The following COL4A5 variants were observed in gnomAD, a reference collection of about 807,000 sequenced individuals.
COL4A5 encodes collagen type IV alpha 5 chain.
Under a neutral mutation model 130.2 loss-of-function variants are expected in COL4A5, and 26 were observed. The ratio of observed to expected loss-of-function variants is 0.20; its 90% confidence interval spans 0.15 to 0.28. The LOEUF (loss-of-function observed/expected upper bound fraction) is 0.28. COL4A5 is among the 10% of genes least tolerant of loss of function. The pLI, the probability that COL4A5 is intolerant of heterozygous loss-of-function variation, is 1.00. For missense variants in COL4A5, 1,131 were observed against 1,344.3 expected (o/e 0.84, Z 2.48); for synonymous variants, 496 against 439.6 (o/e 1.13, Z -1.60).
intron 2 of COL4A5, among the ~76,000 whole-genome samples, chrX:108,547,924 T>C (rs970702080): frequency 1.8e-5 from 2 of 111,866 alleles, no homozygotes; most frequent in Non-Finnish European, 3.8e-5. Context: ...CGGGATATAA[T>C]CTCCTGGTGT....
intron 4 of COL4A5, among the ~76,000 whole-genome samples, chrX:108,566,925 A>G (rs958620548): frequency 2.2e-4 from 25 of 111,861 alleles, no homozygotes; most frequent in African/African-American, 8.1e-4. Flanking sequence ...TCCAATTGCA[A>G]TTTAAAATTA....
In COL4A5 at chrX:108,586,275, A is replaced by G. The variant is rs138011390; in HGVS notation, c.1033-340A>G. On this transcript the variant is annotated intron_variant, in intron 18 of 52. Coordinates refer to ENST00000328300, the MANE Select transcript of COL4A5 (RefSeq NM_033380.3). The stretch of plus-strand genomic sequence containing the variant: ...ATTACTCTAAGTGTGAGTTGATAAT[A>G]TAGCTGTGGCAGCAGAAATCAAGGG... Among the ~76,000 whole-genome samples, 112 of 112,056 alleles carry G rather than the reference A, an allele frequency of 1.0e-3. 4 individuals carry two copies. In the East Asian group the frequency reaches 0.03, roughly 30 times the overall value.
At chrX:108,656,897 C>G (rs1159108259) in intron 37 of COL4A5, among the ~76,000 whole-genome samples, 1 of 111,327 alleles carries the variant, frequency 9.0e-6, no homozygotes, top group Non-Finnish European at 1.9e-5. Flanking sequence ...TTTATATACT[C>G]AAGATATGAG....
At chrX:108,473,595 T>A (rs867826494) in intron 1 of COL4A5, among the ~76,000 whole-genome samples, 3 of 59,571 alleles carry the variant, frequency 5.0e-5, no homozygotes, top group East Asian at 3.6e-4. Flanking sequence ...ATATAAAGTT[T>A]TATATATATA....
At chrX:108,542,976 A>G (rs7065835) in intron 2 of COL4A5, among the ~76,000 whole-genome samples, 1 of 108,509 alleles carries the variant, frequency 9.2e-6, no homozygotes, top group African/African-American at 3.4e-5. Context: ...TCTTGTAAAT[A>G]TGTTTGAGTT....
At chrX:108,691,791 T>C (rs2068642989) in intron 49 of COL4A5, among the ~76,000 whole-genome samples, 1 of 112,004 alleles carries the variant, frequency 8.9e-6, no homozygotes, top group Admixed American at 9.5e-5. Flanking sequence ...TTTTCTATAA[T>C]GGTTAATGTT....
intron 2 of COL4A5, among the ~76,000 whole-genome samples, chrX:108,550,093 A>G (rs1313776760): frequency 8.9e-6 from 1 of 111,801 alleles, no homozygotes; most frequent in African/African-American, 3.2e-5. Flanking sequence ...ATTCTATGAA[A>G]CATTTTTGCA....
At chrX:108,571,185 AT>A (rs911675849) in intron 6 of COL4A5, among the ~76,000 whole-genome samples, 6 of 111,434 alleles carry the variant, frequency 5.4e-5, no homozygotes, top group African/African-American at 2.0e-4. Flanking sequence ...GAGGTAGATA[AT>A]TTTTTTTCTT....
At chrX:108,688,763 C>T (rs145169147) in intron 49 of COL4A5, among the ~76,000 whole-genome samples, 333 of 111,714 alleles carry the variant, frequency 3.0e-3, no homozygotes, top group African/African-American at 0.01. Flanking sequence ...CTGACTATCC[C>T]CTTTGCCTCC....
intron 1 of COL4A5, among the ~76,000 whole-genome samples, chrX:108,534,918 C>T (rs111814406): frequency 1.2e-3 from 132 of 110,894 alleles, no homozygotes; most frequent in African/African-American, 3.8e-3. Context: ...TTCCCTCTCT[C>T]ACCTCTTCTA....
intron 1 of COL4A5, among the ~76,000 whole-genome samples, chrX:108,535,862 T>G (rs766827282): frequency 9.0e-6 from 1 of 111,117 alleles, no homozygotes; most frequent in Admixed American, 9.6e-5. Context: ...ATTTTTTTTT[T>G]AAGTAAGCAT....
intron 43 of COL4A5, among the ~76,000 whole-genome samples, chrX:108,675,430 A>T (rs748446059): frequency 1.4e-3 from 160 of 111,409 alleles, no homozygotes; most frequent in Non-Finnish European, 2.6e-3. Context: ...CAGTTTATTT[A>T]TTTTTCATAA....
At chrX:108,517,246 G>A (rs1407557581) in intron 1 of COL4A5, among the ~76,000 whole-genome samples, 1 of 110,953 alleles carries the variant, frequency 9.0e-6, no homozygotes, top group African/African-American at 3.3e-5. Context: ...TATTATAAAT[G>A]AATAACAATC....
At chrX:108,441,882 T>G (rs1310149602) in intron 1 of COL4A5, among the ~76,000 whole-genome samples, 1 of 111,955 alleles carries the variant, frequency 8.9e-6, no homozygotes, top group African/African-American at 3.2e-5. Flanking sequence ...TCAATTAATA[T>G]TAAATCAATT....
In COL4A5 at chrX:108,526,671, C is replaced by CTT. The variant is rs1210257594; in HGVS notation, c.82-13074_82-13073insTT. ...TTCTTTCTTTCTTTCTTCTTTCTTT[C>CTT]TCTTTCTTTCTTTCTTTCTTTCTTT... is the stretch of plus-strand genomic sequence containing the variant. On this transcript the variant is annotated intron_variant, in intron 1 of 52. Transcript: ENST00000328300. Among the ~76,000 whole-genome samples the CTT allele has an allele frequency of 1.9e-3, 78 of 41,850 alleles. 2 individuals carry two copies. Among genetic ancestry groups the CTT allele is most frequent in the African/African-American group, 6.5e-3 (63 of 9,698 alleles). 36.3% of individuals were successfully genotyped at this position (41,850 alleles called of 115,157 possible). A position where few individuals can be genotyped will look rare whatever the true frequency, so the allele number is the denominator to read the frequency against.
intron 8 of COL4A5, among the ~76,000 whole-genome samples, chrX:108,572,753 C>T (rs1007741331): frequency 5.4e-5 from 6 of 111,852 alleles, no homozygotes; most frequent in African/African-American, 1.6e-4. Context: ...CCAAGAATGA[C>T]ATTTTAAAAG....
intron 44 of COL4A5, 137 bp downstream of exon 44, chrX:108,677,770 A>T (rs1307557474): frequency 1.3e-6 from 1 of 788,631 alleles, no homozygotes; most frequent in East Asian, 3.6e-5. Context: ...AATTAAAAAG[A>T]CAGTAGAAGG....
intron 2 of COL4A5, among the ~76,000 whole-genome samples, chrX:108,551,536 G>A (rs1233002191): frequency 8.9e-6 from 1 of 112,042 alleles, no homozygotes; most frequent in Non-Finnish European, 1.9e-5. Flanking sequence ...TGTTGGTGAG[G>A]TTGCAGAGAA....
intron 47 of COL4A5, among the ~76,000 whole-genome samples, chrX:108,683,584 T>C (rs1207225200): frequency 9.0e-6 from 1 of 111,487 alleles, no homozygotes; most frequent in Non-Finnish European, 1.9e-5. Flanking sequence ...CAGTGGTTTA[T>C]AGTTTTGCCT....
Sources: gnomAD v4.1 joint callset for allele counts (sites outside exome capture counted in the v4.1 genomes callset) on GRCh38, gnomAD v4.1.1 for gene constraint, MANE v1.5 for transcripts, NCBI Gene and HGNC (gene_info 2026-07-23, HGNC 2026-07-21) for gene names.